The following ARFIP1 variants were observed in gnomAD, a reference collection of about 807,000 sequenced individuals.
ARFIP1 encodes the protein arfaptin-1.
A neutral mutation model predicts 42.5 loss-of-function variants in ARFIP1; 24 were observed. The observed-to-expected ratio is 0.57, with a 90% CI of 0.41 to 0.80. The LOEUF (loss-of-function observed/expected upper bound fraction) is 0.80, where lower values mean the gene tolerates loss of function less well. Among genes scored for constraint, ARFIP1 ranks in the 30% least tolerant of loss-of-function variants. ARFIP1 has a pLI of 0.00. For missense variants in ARFIP1, 354 were observed against 434.0 expected (o/e 0.82, Z 1.64); for synonymous variants, 141 against 153.7 (o/e 0.92, Z 0.61).
chr4:152,832,777 TC>T (rs1415645832), intron 2 of ARFIP1, among the ~76,000 whole-genome samples: 1 of 152,248 alleles, frequency 6.6e-6, no homozygotes, highest in African/African-American at 2.4e-5. Flanking sequence ...CCAAGATTTT[TC>T]TTCCTCTCAT....
At chr4:152,905,279 G>C (rs1336250571) in intron 8 of ARFIP1, among the ~76,000 whole-genome samples, 1 of 152,148 alleles carries the variant, frequency 6.6e-6, no homozygotes, top group Non-Finnish European at 1.5e-5. Flanking sequence ...TTTCTAAGAT[G>C]CTTATACCAT....
At chr4:152,833,522 A>G (rs116402676) in intron 2 of ARFIP1, among the ~76,000 whole-genome samples, 2,564 of 152,356 alleles carry the variant, frequency 0.017, 33 homozygotes, top group Non-Finnish European at 0.028. Context: ...GTATATATTC[A>G]AAGGAAATTA....
chr4:152,877,284 T>C (rs1735438332), intron 5 of ARFIP1, among the ~76,000 whole-genome samples: 2 of 152,080 alleles, frequency 1.3e-5, no homozygotes, highest in South Asian at 2.1e-4. Flanking sequence ...CCCAAGACCA[T>C]GGGAACCCAC....
At position 152,837,596 on chromosome 4, in the gene ARFIP1, A is replaced by C. The variant is rs201583746; in HGVS notation, c.93+7870A>C. Among the ~76,000 whole-genome samples the C allele has an allele frequency of 6.6e-5, 10 of 152,272 alleles. No homozygotes were observed. In the East Asian group the frequency reaches 1.9e-3, roughly 29 times the overall value. On this transcript the variant is annotated intron_variant, in intron 2 of 8. Coordinates refer to ENST00000353617, the MANE Select transcript of ARFIP1 (RefSeq NM_001025595.3). ...ATCTTCTTTTGAGAATTGTCTATTCATATCTTTAACCTACTTTTTGATGGG... is the reference window on the plus strand; with the variant it reads ...ATCTTCTTTTGAGAATTGTCTATTCCTATCTTTAACCTACTTTTTGATGGG...
At chr4:152,892,699 C>T (rs1027766404) in intron 8 of ARFIP1, among the ~76,000 whole-genome samples, 1 of 152,138 alleles carries the variant, frequency 6.6e-6, no homozygotes, top group Non-Finnish European at 1.5e-5. Flanking sequence ...GTGATAAATG[C>T]ACCTAAGGGT....
intron 7 of ARFIP1, 81 bp downstream of exon 7, chr4:152,882,961 A>G (rs2149893285): frequency 2.1e-6 from 3 of 1,443,536 alleles, no homozygotes; most frequent in South Asian, 2.5e-5. Flanking sequence ...AAACAACAGA[A>G]ACCAACTCTG....
chr4:152,828,312 G>A (rs1185058334), intron 1 of ARFIP1, among the ~76,000 whole-genome samples: 2 of 152,330 alleles, frequency 1.3e-5, no homozygotes, highest in South Asian at 4.1e-4. Flanking sequence ...GGCTGTACCA[G>A]TTTGCATTCC....
intron 2 of ARFIP1, among the ~76,000 whole-genome samples, chr4:152,848,009 T>G (rs1174753687): frequency 2.0e-5 from 3 of 152,192 alleles, no homozygotes; most frequent in Admixed American, 6.5e-5. Flanking sequence ...GAACCCTGCA[T>G]AAGGGTTCTC....
intron 1 of ARFIP1, among the ~76,000 whole-genome samples, chr4:152,791,750 T>G (rs1731155739): frequency 6.6e-6 from 1 of 152,188 alleles, no homozygotes; most frequent in African/African-American, 2.4e-5. Flanking sequence ...CTTCAATTCT[T>G]GCTATTCAAA....
rs1729209895 is a variant in ARFIP1, at chr4:152,808,750, C to T, written c.-9-20875C>T. ...GAGCTGAATGACTTTGTAGCTCCTT[C>T]CCAATGCTAAGGTTTTCTGTGTGTT... On this transcript the variant is annotated intron_variant, in intron 1 of 8. Transcript: ENST00000353617. 2.0e-5 allele frequency among the ~76,000 whole-genome samples: 3 copies of T among 152,212 alleles called. No homozygotes were observed. The South Asian group carries it at 6.2e-4, about 32-fold the overall frequency.
intron 1 of ARFIP1, among the ~76,000 whole-genome samples, chr4:152,790,741 T>G (rs550695988): frequency 6.8e-6 from 1 of 147,498 alleles, no homozygotes; most frequent in East Asian, 1.9e-4. Context: ...TTTTTTTTTT[T>G]TTTTTTTTTT....
intron 2 of ARFIP1, among the ~76,000 whole-genome samples, chr4:152,839,033 G>A (rs1278546990): frequency 4.6e-5 from 7 of 152,124 alleles, no homozygotes; most frequent in Non-Finnish European, 8.8e-5. Flanking sequence ...CATCTATTGA[G>A]ATGATTGTTT....
intron 1 of ARFIP1, among the ~76,000 whole-genome samples, chr4:152,826,251 A>T (rs1185824540): frequency 2.0e-5 from 3 of 152,202 alleles, no homozygotes; most frequent in Non-Finnish European, 4.4e-5. Context: ...AGATAAAGAA[A>T]ATGGGGTTTA....
chr4:152,827,935 A>G (rs1730969590), intron 1 of ARFIP1, among the ~76,000 whole-genome samples: 1 of 152,136 alleles, frequency 6.6e-6, no homozygotes, highest in African/African-American at 2.4e-5. Context: ...CAGCCTCCCA[A>G]AATGTTGGGA....
Position 152,841,554 on chromosome 4 carries a change from G to T in ARFIP1, c.93+11828G>T, listed in dbSNP as rs78373058. ...TCCAGTATTTGTTTGAAGATTTAGAGCCCCTTTCAGCAGTTTTTGTGGTGG... is the reference window on the plus strand; with the variant it reads ...TCCAGTATTTGTTTGAAGATTTAGATCCCCTTTCAGCAGTTTTTGTGGTGG... On this transcript the variant is annotated intron_variant, in intron 2 of 8. Transcript: ENST00000353617. Among the ~76,000 whole-genome samples, 671 of 152,122 alleles carry T rather than the reference G, an allele frequency of 4.4e-3. 4 individuals carry two copies. The highest frequency in any genetic ancestry group is 0.015 in the African/African-American group (629 of 41,504).
intron 2 of ARFIP1, among the ~76,000 whole-genome samples, chr4:152,847,225 C>G (rs1305089489): frequency 6.9e-6 from 1 of 145,780 alleles, no homozygotes; most frequent in Non-Finnish European, 1.5e-5. Flanking sequence ...CTCCGCCTCC[C>G]AGGTTCAAGC....
At chr4:152,821,604 T>C (rs1015681101) in intron 1 of ARFIP1, among the ~76,000 whole-genome samples, 3 of 152,220 alleles carry the variant, frequency 2.0e-5, no homozygotes, top group Middle Eastern at 3.2e-3. Context: ...CCTGGCCTTG[T>C]TGGAGATTTA....
At chr4:152,877,220 A>G (rs942484915) in intron 5 of ARFIP1, among the ~76,000 whole-genome samples, 2 of 152,138 alleles carry the variant, frequency 1.3e-5, no homozygotes, top group Non-Finnish European at 2.9e-5. Flanking sequence ...ACGCCAGCCC[A>G]TGAGAGCAGC....
chr4:152,870,225 A>G (rs1734766269), intron 3 of ARFIP1, among the ~76,000 whole-genome samples: 1 of 152,206 alleles, frequency 6.6e-6, no homozygotes, highest in Admixed American at 6.5e-5. Flanking sequence ...GAGACACACT[A>G]TGTGACATTT....
Sources: allele counts gnomAD v4.1 joint callset (sites outside exome capture counted in the v4.1 genomes callset), GRCh38; gene constraint gnomAD v4.1.1; transcripts MANE v1.5; gene names NCBI Gene and HGNC (gene_info 2026-07-23, HGNC 2026-07-21).